HDAC8: variants seen among roughly 807,000 people sequenced by gnomAD.
HDAC8 encodes histone deacetylase 8.
A neutral mutation model predicts 32.2 loss-of-function variants in HDAC8; 1 was observed. That is an observed-to-expected ratio of 0.03 (90% CI 0.01 to 0.15). HDAC8 has a LOEUF of 0.15. Ranked by LOEUF, HDAC8 falls within the 10% of genes least tolerant of loss-of-function variation. HDAC8 has a pLI of 1.00. For missense variants in HDAC8, 117 were observed against 300.0 expected, an observed-to-expected ratio of 0.39 and a Z score of 4.51; for synonymous variants, 108 against 113.9, an observed-to-expected ratio of 0.95 and a Z score of 0.33.
intron 10 of HDAC8, among the ~76,000 whole-genome samples, chrX:72,341,782 A>G (rs2043895066): frequency 8.9e-6 from 1 of 111,827 alleles, no homozygotes; most frequent in Non-Finnish European, 1.9e-5. Flanking sequence ...ATTTGTATTT[A>G]TTAGCTAATG....
chrX:72,361,106 T>G (rs1369380476), intron 9 of HDAC8, among the ~76,000 whole-genome samples: 1 of 111,091 alleles, frequency 9.0e-6, no homozygotes, highest in Non-Finnish European at 1.9e-5. Context: ...TCTTAGTTGC[T>G]GGAATAGAAA....
At chrX:72,459,730 G>C (rs1156877500) in intron 9 of HDAC8, among the ~76,000 whole-genome samples, 1 of 111,232 alleles carries the variant, frequency 9.0e-6, no homozygotes, top group Admixed American at 9.6e-5. Context: ...AGCTGCTTGA[G>C]GTAGGGGATG....
At chrX:72,533,920 A>C (rs1556037476) in intron 4 of HDAC8, among the ~76,000 whole-genome samples, 1 of 111,404 alleles carries the variant, frequency 9.0e-6, no homozygotes, top group African/African-American at 3.3e-5. Context: ...GAAAGACTAG[A>C]TGCTTTCCCC....
At chrX:72,491,084 A>G (rs1004238470) in intron 5 of HDAC8, 78 bp from the exon 6 acceptor site, 1 of 692,482 alleles carries the variant, frequency 1.4e-6, no homozygotes, top group Admixed American at 2.4e-5. Flanking sequence ...TCTAGAAAGC[A>G]GCTGTGAGAA....
intron 9 of HDAC8, among the ~76,000 whole-genome samples, chrX:72,431,142 T>G (rs1555977290): frequency 9.0e-6 from 1 of 111,083 alleles, no homozygotes; most frequent in Non-Finnish European, 1.9e-5. Context: ...ATTACACACT[T>G]GAACCCTCTT....
rs1219048823 is a variant in HDAC8, at chrX:72,336,756, A to AT, written c.1112-6681dup. ...TTGCCCATTTTAATTTTTTTATTTA[A>AT]TTTTTTTTTTTGAGACAGGGTCTCG... On this transcript the variant is annotated intron_variant, in intron 10 of 10. Coordinates refer to ENST00000373573, the MANE Select transcript of HDAC8 (RefSeq NM_018486.3). Among the ~76,000 whole-genome samples, 770 of 104,376 alleles carry AT rather than the reference A, an allele frequency of 7.4e-3. 6 individuals carry two copies. Among genetic ancestry groups the AT allele is most frequent in the African/African-American group, 0.025 (720 of 28,822 alleles). 90.6% of individuals were successfully genotyped at this position (104,376 alleles called of 115,157 possible).
intron 9 of HDAC8, among the ~76,000 whole-genome samples, chrX:72,373,060 C>T (rs2044932682): frequency 9.0e-6 from 1 of 111,467 alleles, no homozygotes; most frequent in Admixed American, 9.5e-5. Context: ...ATATCCCCAA[C>T]ATATAAAAAA....
intron 10 of HDAC8, among the ~76,000 whole-genome samples, chrX:72,347,315 C>T (rs1205715936): frequency 8.9e-6 from 1 of 111,874 alleles, no homozygotes; most frequent in Non-Finnish European, 1.9e-5. Flanking sequence ...GCATGCAAGG[C>T]CTTTTTCTTC....
intron 4 of HDAC8, among the ~76,000 whole-genome samples, chrX:72,546,742 C>T (rs782331473): frequency 5.4e-5 from 6 of 111,002 alleles, no homozygotes; most frequent in Non-Finnish European, 1.1e-4. Context: ...CATAGAGAAG[C>T]AGAGGCCACT....
intron 4 of HDAC8, among the ~76,000 whole-genome samples, chrX:72,553,639 T>A (rs1402756608): frequency 8.9e-6 from 1 of 111,823 alleles, no homozygotes; most frequent in East Asian, 2.8e-4. Context: ...TGTGGGTGAT[T>A]GGTTCCAGGA....
intron 9 of HDAC8, among the ~76,000 whole-genome samples, chrX:72,395,379 C>T (rs1555965312): frequency 9.0e-6 from 1 of 111,404 alleles, no homozygotes; most frequent in Non-Finnish European, 1.9e-5. Flanking sequence ...GGAAGGGAGA[C>T]AAAAATTGGG....
At chrX:72,440,008 C>T (rs1452367879) in intron 9 of HDAC8, among the ~76,000 whole-genome samples, 1 of 112,155 alleles carries the variant, frequency 8.9e-6, no homozygotes, top group Non-Finnish European at 1.9e-5. Flanking sequence ...CACCACAAAT[C>T]AACAGAATAC....
At chrX:72,459,277 G>T (rs2047804318) in intron 9 of HDAC8, among the ~76,000 whole-genome samples, 3 of 111,318 alleles carry the variant, frequency 2.7e-5, no homozygotes, top group Admixed American at 9.6e-5. Flanking sequence ...ACACATAATT[G>T]TTAAATGAAA....
intron 9 of HDAC8, among the ~76,000 whole-genome samples, chrX:72,450,892 A>T (rs2047553042): frequency 8.9e-6 from 1 of 111,798 alleles, no homozygotes; most frequent in African/African-American, 3.2e-5. Flanking sequence ...AGTATCCCTA[A>T]TCTGAAAATC....
chrX:72,357,973 C>T (rs2044424007), intron 9 of HDAC8, among the ~76,000 whole-genome samples: 1 of 109,839 alleles, frequency 9.1e-6, no homozygotes, highest in Non-Finnish European at 1.9e-5. Flanking sequence ...GGCATGATCT[C>T]GGATCACTGC....
intron 4 of HDAC8, among the ~76,000 whole-genome samples, chrX:72,518,617 T>C (rs1487206466): frequency 4.5e-5 from 5 of 111,671 alleles, no homozygotes; most frequent in African/African-American, 1.6e-4. Flanking sequence ...GGTTCACTCT[T>C]AGTGTTATAT....
intron 5 of HDAC8, among the ~76,000 whole-genome samples, chrX:72,491,689 T>C (rs1827342407): frequency 9.0e-6 from 1 of 111,465 alleles, no homozygotes; most frequent in Admixed American, 9.5e-5. Context: ...GGGGTCTGTT[T>C]TCCATTTTAA....
intron 4 of HDAC8, among the ~76,000 whole-genome samples, chrX:72,546,948 A>C (rs891368049): frequency 9.0e-6 from 1 of 111,149 alleles, no homozygotes; most frequent in South Asian, 3.8e-4. Flanking sequence ...TCAGCTCCTA[A>C]ATGTTCTTAA....
intron 4 of HDAC8, among the ~76,000 whole-genome samples, chrX:72,519,020 T>A (rs781890353): frequency 8.9e-6 from 1 of 112,817 alleles, no homozygotes; most frequent in East Asian, 2.8e-4. Context: ...CAATTATGAA[T>A]AAAGCTGCTA....
Sources: gnomAD v4.1 joint callset for allele counts (sites outside exome capture counted in the v4.1 genomes callset) on GRCh38, gnomAD v4.1.1 for gene constraint, MANE v1.5 for transcripts, NCBI Gene and HGNC (gene_info 2026-07-23, HGNC 2026-07-21) for gene names.